The following ARHGEF38 variants were observed in gnomAD, a reference collection of about 807,000 sequenced individuals.
ARHGEF38 encodes Rho guanine nucleotide exchange factor (GEF) 38.
A neutral mutation model predicts 79.9 loss-of-function variants in ARHGEF38; 79 were observed. That is an observed-to-expected ratio of 0.99 (90% CI 0.82 to 1.19). The LOEUF (loss-of-function observed/expected upper bound fraction) is 1.19. Among genes scored for constraint, ARHGEF38 ranks in the 50% most tolerant of loss-of-function variants. The pLI, the probability that ARHGEF38 is intolerant of heterozygous loss-of-function variation, is 0.00. For missense variants in ARHGEF38, 962 were observed against 907.2 expected (o/e 1.06, Z -0.78); for synonymous variants, 366 against 328.3 (o/e 1.11, Z -1.24).
intron 1 of ARHGEF38, among the ~76,000 whole-genome samples, chr4:105,586,026 A>G (rs1727029383): frequency 6.6e-6 from 1 of 151,984 alleles, no homozygotes; most frequent in Non-Finnish European, 1.5e-5. Context: ...CCACTGCGCC[A>G]GGCCCCCTCG....
intron 3 of ARHGEF38, among the ~76,000 whole-genome samples, chr4:105,629,056 T>TA (rs1729073019): frequency 6.6e-6 from 1 of 152,106 alleles, no homozygotes; most frequent in African/African-American, 2.4e-5. Flanking sequence ...ATAATTTATT[T>TA]TAAAAAAAAT....
intron 2 of ARHGEF38, among the ~76,000 whole-genome samples, chr4:105,592,817 A>G (rs72669961): frequency 0.046 from 6,995 of 152,190 alleles, 215 homozygotes; most frequent in Middle Eastern, 0.11. Context: ...CCCAACACCA[A>G]ATCTACCAAC....
intron 1 of ARHGEF38, among the ~76,000 whole-genome samples, chr4:105,567,134 C>T (rs1199350520): frequency 6.6e-6 from 1 of 152,168 alleles, no homozygotes; most frequent in East Asian, 1.9e-4. Flanking sequence ...CTTTCTGTGC[C>T]TGACTTTTTT....
chr4:105,590,013 G>A (rs1306161540), intron 2 of ARHGEF38, among the ~76,000 whole-genome samples: 1 of 149,760 alleles, frequency 6.7e-6, no homozygotes, highest in Non-Finnish European at 1.5e-5. Flanking sequence ...ACTGCAGCCT[G>A]GGCAACAGAG....
chr4:105,642,240 C>A (rs925210408), intron 5 of ARHGEF38, among the ~76,000 whole-genome samples: 1 of 152,128 alleles, frequency 6.6e-6, no homozygotes, highest in East Asian at 1.9e-4. Flanking sequence ...CTTGTCTGTG[C>A]GATGCAGTTT....
intron 5 of ARHGEF38, among the ~76,000 whole-genome samples, chr4:105,644,969 A>G (rs773188965): frequency 6.6e-6 from 1 of 152,238 alleles, no homozygotes; most frequent in Non-Finnish European, 1.5e-5. Flanking sequence ...AATTTGATGG[A>G]AAGTTATACT....
chr4:105,666,073 G>C, intron 10 of ARHGEF38, 104 bp from the exon 11 acceptor site: 2 of 980,886 alleles, frequency 2.0e-6, no homozygotes, highest in Non-Finnish European at 2.7e-6. Context: ...TCACAATGGA[G>C]CTACCATATA....
At chr4:105,577,758 G>C (rs1428384626) in intron 1 of ARHGEF38, among the ~76,000 whole-genome samples, 2 of 152,028 alleles carry the variant, frequency 1.3e-5, no homozygotes, top group Non-Finnish European at 2.9e-5. Flanking sequence ...TTTTATTTCT[G>C]TGGTGTCAGT....
At chr4:105,644,812 T>C (rs1386239450) in intron 5 of ARHGEF38, among the ~76,000 whole-genome samples, 1 of 152,152 alleles carries the variant, frequency 6.6e-6, no homozygotes, top group Non-Finnish European at 1.5e-5. Context: ...TCAATAATAA[T>C]CACCAAAATG....
At chr4:105,673,142 T>G (rs1731009742) in intron 13 of ARHGEF38, among the ~76,000 whole-genome samples, 1 of 152,146 alleles carries the variant, frequency 6.6e-6, no homozygotes, top group Non-Finnish European at 1.5e-5. Flanking sequence ...TGTAGCCTAA[T>G]CACAGGAGTA....
At chr4:105,667,823 G>A (rs1023208414) in intron 13 of ARHGEF38, 120 bp downstream of exon 13, 1 of 1,171,156 alleles carries the variant, frequency 8.5e-7, no homozygotes, top group East Asian at 2.6e-5. Flanking sequence ...AAGGAGACCT[G>A]GCTCTATTAG....
At chr4:105,611,381 T>A (rs1469762831) in intron 2 of ARHGEF38, among the ~76,000 whole-genome samples, 2 of 152,046 alleles carry the variant, frequency 1.3e-5, no homozygotes, top group Non-Finnish European at 2.9e-5. Context: ...TTGGAAAACA[T>A]CTTGCATTAT....
chr4:105,562,892 C>A (rs774992106), intron 1 of ARHGEF38, among the ~76,000 whole-genome samples: 2 of 152,176 alleles, frequency 1.3e-5, no homozygotes, highest in Non-Finnish European at 2.9e-5. Context: ...AGAGGCCGAG[C>A]TGTGATGTGG....
intron 5 of ARHGEF38, among the ~76,000 whole-genome samples, chr4:105,639,749 A>G (rs528058148): frequency 7.2e-4 from 110 of 152,168 alleles, no homozygotes; most frequent in African/African-American, 2.2e-3. Context: ...AAATGTATCA[A>G]TACCAAACTG....
chr4:105,585,391 T>C (rs1578279548), intron 1 of ARHGEF38, among the ~76,000 whole-genome samples: 1 of 152,326 alleles, frequency 6.6e-6, no homozygotes, highest in East Asian at 1.9e-4. Context: ...TCAAGTCAGA[T>C]TATCCTTTTC....
rs1491172509 is a variant in ARHGEF38 at position 105,561,469 on chromosome 4, A to AGAATG, written c.196+8512_196+8513insGGAAT. The stretch of plus-strand genomic sequence containing the variant: ...AGAATGGAATAGAATAGAATAGAAT[A>AGAATG]GAATAGAATAGAATAGAATAGAATA... On this transcript the variant is annotated intron_variant, in intron 1 of 13. Coordinates refer to ENST00000420470, the MANE Select transcript of ARHGEF38 (RefSeq NM_001242729.2). 374 of 49,546 alleles carry AGAATG rather than the reference A, an allele frequency of 7.5e-3. 13 individuals are homozygous for AGAATG. The highest frequency in any genetic ancestry group is 0.01 in the Admixed American group (49 of 4,704). 3.1% of individuals were successfully genotyped at this position (49,546 alleles called of 1,614,324 possible).
At chr4:105,658,800 G>A (rs760277553) in intron 9 of ARHGEF38, among the ~76,000 whole-genome samples, 2 of 152,170 alleles carry the variant, frequency 1.3e-5, no homozygotes, top group Non-Finnish European at 2.9e-5. Context: ...TTTTGGGTGA[G>A]CAGGCTTTAA....
chr4:105,605,121 T>G (rs909462684), intron 2 of ARHGEF38, among the ~76,000 whole-genome samples: 1 of 152,084 alleles, frequency 6.6e-6, no homozygotes, highest in Non-Finnish European at 1.5e-5. Context: ...CCCAAACCTC[T>G]GCTGAGTAAC....
In ARHGEF38 at chr4:105,589,429, T is replaced by A. The variant is rs1369259400; in HGVS notation, c.378T>A (p.Asn126Lys). The A allele has an allele frequency of 5.6e-6, 9 of 1,603,334 alleles. No individual in the cohort carries two copies. Among genetic ancestry groups the A allele is most frequent in the Non-Finnish European group, 6.8e-6 (8 of 1,177,170 alleles). ...CVREVVQPLRNKKTDRLDVDS... is the reference protein window; with the variant it reads ...CVREVVQPLRKKKTDRLDVDS... ...GGGAAGTGGTTCAGCCCCTGAGAAA[T>A]AAAAAGGTAAATATATATTTGAGAT... Residue 126 changes from asparagine (N) to lysine (K), a missense_variant, in exon 2 of 14, where the codon AAT becomes AAA. Transcript: ENST00000420470.
Sources: allele counts gnomAD v4.1 joint callset (sites outside exome capture counted in the v4.1 genomes callset), GRCh38; gene constraint gnomAD v4.1.1; transcripts MANE v1.5; gene names NCBI Gene and HGNC (gene_info 2026-07-23, HGNC 2026-07-21).